Variants in ANGPTL5 observed in about 807,000 individuals in gnomAD.
The protein encoded by ANGPTL5 is angiopoietin-related protein 5.
In ANGPTL5, 34 loss-of-function variants were observed where a neutral mutation model predicts 39.4. The observed-to-expected ratio is 0.86, with a 90% CI of 0.66 to 1.15. ANGPTL5 has a LOEUF of 1.15. Among genes scored for constraint, ANGPTL5 ranks in the 50% most tolerant of loss-of-function variants. The pLI, the probability that ANGPTL5 is intolerant of heterozygous loss-of-function variation, is 0.00. For missense variants in ANGPTL5, 467 were observed against 457.5 expected, an observed-to-expected ratio of 1.02 and a Z score of -0.19; for synonymous variants, 146 against 152.1, an observed-to-expected ratio of 0.96 and a Z score of 0.29.
At chr11:101,908,801 T>C (rs891795741) in intron 1 of ANGPTL5, among the ~76,000 whole-genome samples, 7 of 144,028 alleles carry the variant, frequency 4.9e-5, no homozygotes, top group African/African-American at 1.8e-4. Context: ...AAAAAAAAAA[T>C]TGCAAATTTC....
chr11:101,901,207 A>G (rs934622117), intron 6 of ANGPTL5, among the ~76,000 whole-genome samples: 2 of 151,816 alleles, frequency 1.3e-5, no homozygotes, highest in African/African-American at 4.8e-5. Context: ...TTATCCTCTT[A>G]TTACTCAACT....
At chr11:101,908,259 A>G (rs1940031512) in intron 1 of ANGPTL5, among the ~76,000 whole-genome samples, 6 of 152,162 alleles carry the variant, frequency 3.9e-5, no homozygotes, top group Admixed American at 3.9e-4. Context: ...TTATAAATTC[A>G]TCTAATTTTT....
rs115730613 is a variant in ANGPTL5, at chr11:101,915,069, G to T, written c.-93+950C>A. Reference sequence around the variant, plus strand: ...GGTTGCTGCCGCCCCATCTGCTATTGCCCGGCGAGGTCGCCGCTGCCTCAG... The same window carrying T: ...GGTTGCTGCCGCCCCATCTGCTATTTCCCGGCGAGGTCGCCGCTGCCTCAG... On this transcript the variant is annotated intron_variant, in intron 1 of 8. Transcript: ENST00000334289. The T allele has an allele frequency of 5.3e-3, 3,082 of 578,042 alleles. 71 individuals are homozygous for T. In the African/African-American group the frequency reaches 0.053, roughly 10 times the overall value. The allele number at this position is 578,042 out of a possible 1,614,324, so 35.8% of individuals were successfully genotyped here.
At chr11:101,899,018 T>C (rs975177092) in intron 7 of ANGPTL5, among the ~76,000 whole-genome samples, 1 of 152,208 alleles carries the variant, frequency 6.6e-6, no homozygotes, top group African/African-American at 2.4e-5. Flanking sequence ...TGGATAAGCT[T>C]TTTAATGTGC....
At chr11:101,895,928 T>G (rs1388987749) in intron 7 of ANGPTL5, among the ~76,000 whole-genome samples, 1 of 152,132 alleles carries the variant, frequency 6.6e-6, no homozygotes, top group East Asian at 1.9e-4. Context: ...CTTCAAATTA[T>G]AGCTAAGATA....
chr11:101,915,933 GAA>G (rs1219145501), intron 1 of ANGPTL5, 84 bp downstream of exon 1: 1 of 152,292 alleles, frequency 6.6e-6, no homozygotes, highest in East Asian at 1.9e-4. Context: ...CAGAGCGACA[GAA>G]AAGAGGAAAT....
intron 1 of ANGPTL5, among the ~76,000 whole-genome samples, chr11:101,912,815 T>C (rs1289144801): frequency 6.6e-6 from 1 of 152,206 alleles, no homozygotes; most frequent in African/African-American, 2.4e-5. Flanking sequence ...TTATATCCTC[T>C]TCCTGTTGTA....
intron 1 of ANGPTL5, chr11:101,914,946 G>A: frequency 4.0e-6 from 1 of 246,938 alleles, no homozygotes. Flanking sequence ...CCTGCGATTG[G>A]CTGCTTCGGG....
intron 1 of ANGPTL5, among the ~76,000 whole-genome samples, chr11:101,913,723 C>A (rs1490167241): frequency 1.3e-5 from 2 of 152,122 alleles, no homozygotes; most frequent in Non-Finnish European, 2.9e-5. Flanking sequence ...GCTAACCATG[C>A]CTAAATATTC....
At chr11:101,894,387 G>A (rs185907053) in intron 8 of ANGPTL5, among the ~76,000 whole-genome samples, 48 of 152,282 alleles carry the variant, frequency 3.2e-4, no homozygotes, top group African/African-American at 9.4e-4. Flanking sequence ...TTGGAAATGA[G>A]CAGATGCATC....
Position 101,891,422 on chromosome 11 carries a change from T to G in ANGPTL5, c.1024A>C (p.Asn342His). The G allele has an allele frequency of 6.2e-7, 1 of 1,614,100 alleles. No individual in the cohort carries two copies. Among genetic ancestry groups the G allele is most frequent in the Non-Finnish European group, 8.5e-7 (1 of 1,179,992 alleles). ...GWWFNECGLA[N>H]LNGIHHFSGK... ...GAGAAGTGATGAATGCCATTTAGATTTGCTAGACCACACTCGTTAAACCAC... is the reference window on the plus strand; with the variant it reads ...GAGAAGTGATGAATGCCATTTAGATGTGCTAGACCACACTCGTTAAACCAC... Residue 342 changes from asparagine (N) to histidine (H), a missense_variant, in exon 9 of 9, where the codon AAT becomes CAT. Transcript: ENST00000334289.
chr11:101,903,561 A>G (rs1939946080), intron 5 of ANGPTL5, among the ~76,000 whole-genome samples: 1 of 152,148 alleles, frequency 6.6e-6, no homozygotes, highest in South Asian at 2.1e-4. Context: ...AGTGCCCAGC[A>G]CACCCAAATA....
At chr11:101,912,657 G>T (rs1940109091) in intron 1 of ANGPTL5, among the ~76,000 whole-genome samples, 1 of 152,142 alleles carries the variant, frequency 6.6e-6, no homozygotes, top group Non-Finnish European at 1.5e-5. Context: ...AACAATATTT[G>T]AATGAAGAAT....
At chr11:101,909,460 C>T (rs752044262) in intron 1 of ANGPTL5, among the ~76,000 whole-genome samples, 23 of 152,190 alleles carry the variant, frequency 1.5e-4, no homozygotes, top group Middle Eastern at 3.4e-3. Context: ...TGTAACATTG[C>T]GGACAATATT....
chr11:101,915,194 G>A (rs980359582), intron 1 of ANGPTL5: 5 of 1,568,344 alleles, frequency 3.2e-6, no homozygotes, highest in Non-Finnish European at 4.3e-6. Flanking sequence ...GAGACGGAGT[G>A]TAGGGAGGGG....
At chr11:101,908,460 C>T (rs186047712) in intron 1 of ANGPTL5, among the ~76,000 whole-genome samples, 1 of 152,218 alleles carries the variant, frequency 6.6e-6, no homozygotes, top group African/African-American at 2.4e-5. Flanking sequence ...GCAGATAATT[C>T]AGACTTAAAA....
intron 7 of ANGPTL5, among the ~76,000 whole-genome samples, chr11:101,895,506 C>T (rs1565338169): frequency 6.6e-6 from 1 of 152,128 alleles, no homozygotes; most frequent in Non-Finnish European, 1.5e-5. Context: ...ACCTCCAAAT[C>T]AGCGGTTCCT....
intron 8 of ANGPTL5, among the ~76,000 whole-genome samples, chr11:101,892,985 G>A (rs1165984073): frequency 3.3e-5 from 5 of 152,158 alleles, no homozygotes; most frequent in African/African-American, 1.2e-4. Context: ...CACCCACACA[G>A]TGTGATACTT....
rs746939271 is a variant in ANGPTL5, at chr11:101,907,961, T to C, written c.-52A>G. ...TCTTCAAATATCAGTCAGCTCTTTG[T>C]GGAAAGAACTACAGAGCATAGAGTC... On this transcript the variant is annotated 5_prime_UTR_variant, in exon 2 of 9. Transcript: ENST00000334289. 1 of 1,296,110 alleles carries C rather than the reference T, an allele frequency of 7.7e-7. No individual in the cohort carries two copies. The highest frequency in any genetic ancestry group is 1.1e-6 in the Non-Finnish European group (1 of 898,392). 80.3% of individuals were successfully genotyped at this position (1,296,110 alleles called of 1,614,324 possible). A position where few individuals can be genotyped will look rare whatever the true frequency, so the allele number is the denominator to read the frequency against.
Sources: allele counts gnomAD v4.1 joint callset (sites outside exome capture counted in the v4.1 genomes callset), GRCh38; gene constraint gnomAD v4.1.1; transcripts MANE v1.5; gene names NCBI Gene and HGNC (gene_info 2026-07-23, HGNC 2026-07-21).